The following PIH1D2 variants were observed in gnomAD, a reference collection of about 807,000 sequenced individuals.
PIH1D2 encodes PIH1 domain-containing protein 2.
In PIH1D2, 25 loss-of-function variants were observed where a neutral mutation model predicts 31.2. The ratio of observed to expected loss-of-function variants is 0.80; its 90% CI spans 0.58 to 1.12. PIH1D2 has a LOEUF of 1.12. PIH1D2 is among the 50% of genes most tolerant of loss of function. The probability of loss-of-function intolerance (pLI) is 0.00; values close to 1 mark genes in which losing one functional copy is unlikely to be tolerated. For missense variants in PIH1D2, 310 were observed against 356.6 expected, an observed-to-expected ratio of 0.87 and a Z score of 1.05; for synonymous variants, 116 against 119.9, an observed-to-expected ratio of 0.97 and a Z score of 0.21.
At chr11:112,062,365 T>G (rs1555183351), downstream of PIH1D2, 1 of 1,610,174 alleles carries the variant, frequency 6.2e-7, no homozygotes, top group East Asian at 2.2e-5. Flanking sequence ...AAATGCAGTA[T>G]TTTCTTTCAG....
At chr11:112,064,259 ATTG>A (rs782265670), downstream of PIH1D2, 4 of 1,509,572 alleles carry the variant, frequency 2.6e-6, no homozygotes, top group Non-Finnish European at 2.7e-6. Context: ...TCTAATAAAC[ATTG>A]TTGAGTTAAA....
chr11:112,055,208 C>G, the PIH1D2 span, among the ~76,000 whole-genome samples: 1 of 147,838 alleles, frequency 6.8e-6, no homozygotes, highest in South Asian at 2.2e-4. Context: ...AAGGCATTGA[C>G]AGTCTTCCGT....
In PIH1D2 at chr11:112,071,269, T is replaced by C. The variant is rs1865101755; in HGVS notation, c.316A>G (p.Ile106Val). ...TTEISDAYTV[I>V]DVAYNPDVLH... ...ACATCAGGATTGTAGGCAACATCAA[T>C]GACTGTGTAAGCATCTGTGTGTGTA... The change falls in exon 4 of 6, where the codon ATT becomes GTT. Residue 106 changes from isoleucine to valine, a missense_variant. Ile to Val is a conservative substitution (Grantham distance 29). Transcript: ENST00000280350. The C allele has an allele frequency of 6.2e-7, 1 of 1,613,204 alleles. No homozygotes were observed. The highest frequency in any genetic ancestry group is 8.5e-7 in the Non-Finnish European group (1 of 1,179,572).
downstream of PIH1D2, among the ~76,000 whole-genome samples, chr11:112,067,041 C>G (rs1237842272): frequency 1.3e-5 from 2 of 152,094 alleles, no homozygotes. Flanking sequence ...CCAGCCTGGG[C>G]AACACAGCGA....
intron 5 of PIH1D2, among the ~76,000 whole-genome samples, chr11:112,069,385 G>C (rs986278483): frequency 6.6e-6 from 1 of 152,112 alleles, no homozygotes; most frequent in African/African-American, 2.4e-5. Flanking sequence ...TAAAGAGACA[G>C]GTAAGTCTTG....
chr11:112,070,715 AG>A lies in PIH1D2; in HGVS notation c.548-15del. 6.2e-7 allele frequency: 1 copy of A among 1,607,960 alleles called. No individual in the cohort carries two copies. The highest frequency in any genetic ancestry group is 8.5e-7 in the Non-Finnish European group (1 of 1,175,970). On this transcript the variant is annotated splice_polypyrimidine_tract_variant and intron_variant, in intron 4 of 5. Coordinates refer to ENST00000280350, the MANE Select transcript of PIH1D2 (RefSeq NM_138789.4). ...CAAGAGTTAGTTCTTTATGAAAAAA[AG>A]GGTGGAGGGGAGATAAAAAATAAAT...
chr11:112,059,111 A>G (rs587645678), downstream of PIH1D2, among the ~76,000 whole-genome samples: 140 of 151,354 alleles, frequency 9.2e-4, 1 homozygote, highest in African/African-American at 3.1e-3. Flanking sequence ...ACCACCACCC[A>G]TGTATCCTGA....
At chr11:112,059,831 A>T, downstream of PIH1D2, 1 of 1,343,080 alleles carries the variant, frequency 7.4e-7, no homozygotes, top group African/African-American at 1.5e-5. Flanking sequence ...AAATATAAAT[A>T]TTCTTGCTTA....
downstream of PIH1D2, among the ~76,000 whole-genome samples, chr11:112,059,261 C>T (rs1199058618): frequency 6.6e-6 from 1 of 152,074 alleles, no homozygotes; most frequent in Non-Finnish European, 1.5e-5. Context: ...GGTTTTCTTT[C>T]AGCTGCATTC....
intron 2 of PIH1D2, among the ~76,000 whole-genome samples, chr11:112,072,244 G>C (rs1459081135): frequency 6.6e-6 from 1 of 152,196 alleles, no homozygotes; most frequent in East Asian, 1.9e-4. Flanking sequence ...CAAGGCTGCT[G>C]GCTTTTAATT....
In PIH1D2 at chr11:112,067,895, T is replaced by A; in HGVS notation, c.924A>T (p.Leu308=). Residue 308 remains leucine (L), a synonymous_variant, in exon 6 of 6, where the codon CTA becomes CTT. Coordinates refer to ENST00000280350, the MANE Select transcript of PIH1D2 (RefSeq NM_138789.4). ...TAKFIKEKST[L]IITMPLV ...TTCACACCAAAGGCATTGTGATGAT[T>A]AGCGTGGATTTTTCTTTGATAAATT... is the stretch of plus-strand genomic sequence containing the variant. 6.2e-7 allele frequency: 1 copy of A among 1,612,330 alleles called. No homozygotes were observed.
chr11:112,071,514 C>T (rs1275984040), intron 3 of PIH1D2, 121 bp downstream of exon 3: 12 of 1,340,748 alleles, frequency 9.0e-6, no homozygotes, highest in Admixed American at 2.3e-5. Context: ...CATAAAGATA[C>T]ACTAATTGTA....
At chr11:112,060,908 T>C, downstream of PIH1D2, 1 of 717,846 alleles carries the variant, frequency 1.4e-6, no homozygotes, top group Non-Finnish European at 2.3e-6. Context: ...TCTTCAGTAA[T>C]GTGTATTCCA....
downstream of PIH1D2, chr11:112,059,903 A>C (rs782803398): frequency 1.0e-5 from 16 of 1,601,278 alleles, no homozygotes; most frequent in Middle Eastern, 3.4e-4. Context: ...TTTTAAACAG[A>C]AATCATGTTG....
chr11:112,072,858 G>A (rs1555184934), intron 2 of PIH1D2, 140 bp downstream of exon 2: 1 of 984,266 alleles, frequency 1.0e-6, no homozygotes, highest in African/African-American at 1.7e-5. Context: ...GTAAGACTCT[G>A]TCTCAAAAAA....
downstream of PIH1D2, chr11:112,064,298 C>A (rs1055297621): frequency 3.7e-5 from 47 of 1,254,182 alleles, no homozygotes; most frequent in Non-Finnish European, 4.6e-5. Flanking sequence ...TAATCTAAAT[C>A]GATTCAGTCT....
intron 3 of PIH1D2, 103 bp from the exon 4 acceptor site, chr11:112,071,386 T>C (rs943526411): frequency 5.7e-6 from 8 of 1,415,690 alleles, no homozygotes; most frequent in African/African-American, 2.9e-5. Context: ...CTAGAGAATA[T>C]TCCTGTATTT....
chr11:112,054,230 T>G, the PIH1D2 span, among the ~76,000 whole-genome samples: 2 of 151,906 alleles, frequency 1.3e-5, no homozygotes, highest in Admixed American at 1.3e-4. Flanking sequence ...GCAGGAGAAT[T>G]GCTTGAACCT....
Position 112,070,543 on chromosome 11 carries a change from C to A in PIH1D2, c.706G>T (p.Glu236Ter), listed in dbSNP as rs1555184413. The A allele has an allele frequency of 1.2e-6, 2 of 1,613,994 alleles. No homozygotes were observed. Among genetic ancestry groups the A allele is most frequent in the Middle Eastern group, 1.6e-4 (1 of 6,084 alleles). Residue 236 changes from glutamate (E) to a stop codon, truncating the protein, a stop_gained, in exon 5 of 6, where the codon GAA becomes TAA. Coordinates refer to ENST00000280350, the MANE Select transcript of PIH1D2 (RefSeq NM_138789.4). LOFTEE classifies it high-confidence loss of function. ...CTGTGATCATGCACAATTTTTAGTTCATAGGCTGGCATCTTCATCTCCACC... is the reference window on the plus strand; with the variant it reads ...CTGTGATCATGCACAATTTTTAGTTAATAGGCTGGCATCTTCATCTCCACC... ...IQVEMKMPAY[E>*]LKIVHDHSEK...
Sources: gnomAD v4.1 joint callset for allele counts (sites outside exome capture counted in the v4.1 genomes callset) on GRCh38, gnomAD v4.1.1 for gene constraint, MANE v1.5 for transcripts, NCBI Gene and HGNC (gene_info 2026-07-23, HGNC 2026-07-21) for gene names.